The following CNOT10 variants were observed in gnomAD, a reference collection of about 807,000 sequenced individuals.
CNOT10 encodes the protein CCR4-NOT transcription complex, subunit 10.
CNOT10 carries 30 observed loss-of-function variants against 94.6 expected under a neutral mutation model. The ratio of observed to expected loss-of-function variants is 0.32; its 90% CI spans 0.24 to 0.43. The LOEUF (loss-of-function observed/expected upper bound fraction) is 0.43. Among genes scored for constraint, CNOT10 ranks in the 20% least tolerant of loss-of-function variants. The pLI is 1.00. For missense variants in CNOT10, 759 were observed against 877.2 expected, an observed-to-expected ratio of 0.87 and a Z score of 1.70; for synonymous variants, 289 against 301.6, an observed-to-expected ratio of 0.96 and a Z score of 0.43.
chr3:32,764,958 T>C (rs1466667519), intron 17 of CNOT10, 149 bp downstream of exon 17: 1 of 1,509,256 alleles, frequency 6.6e-7, no homozygotes, highest in East Asian at 2.5e-5. Flanking sequence ...TCTTGCAAGG[T>C]AAACAACTAA....
intron 5 of CNOT10, among the ~76,000 whole-genome samples, chr3:32,713,933 CT>C (rs1399707199): frequency 6.6e-6 from 1 of 152,018 alleles, no homozygotes; most frequent in Non-Finnish European, 1.5e-5. Flanking sequence ...CATTTGGGTT[CT>C]TTTCTACTTT....
chr3:32,700,561 A>G (rs1037767578), intron 1 of CNOT10, among the ~76,000 whole-genome samples: 4 of 152,252 alleles, frequency 2.6e-5, no homozygotes, highest in African/African-American at 4.8e-5. Flanking sequence ...TCTGCCAGGT[A>G]CATGCCAATT....
chr3:32,730,275 G>T (rs1698883061), intron 10 of CNOT10, among the ~76,000 whole-genome samples: 1 of 152,048 alleles, frequency 6.6e-6, no homozygotes, highest in Non-Finnish European at 1.5e-5. Context: ...TTAGGATTGT[G>T]TTCTACAGAA....
At chr3:32,724,403 G>A (rs1227734383) in intron 8 of CNOT10, among the ~76,000 whole-genome samples, 2 of 146,578 alleles carry the variant, frequency 1.4e-5, no homozygotes, top group African/African-American at 2.5e-5. Context: ...CCTCCACTAC[G>A]CCCGGCTAAT....
At chr3:32,743,438 T>C (rs1699560630) in intron 13 of CNOT10, among the ~76,000 whole-genome samples, 1 of 152,048 alleles carries the variant, frequency 6.6e-6, no homozygotes, top group South Asian at 2.1e-4. Context: ...GAGATCAGCC[T>C]GGCCACCATG....
chr3:32,725,686 A>G (rs1384370620), intron 9 of CNOT10, 87 bp downstream of exon 9: 16 of 1,229,844 alleles, frequency 1.3e-5, no homozygotes, highest in Non-Finnish European at 1.8e-5. Context: ...AATACCCACC[A>G]TGTAGACTTA....
At chr3:32,696,560 G>T (rs1404753465) in intron 1 of CNOT10, among the ~76,000 whole-genome samples, 2 of 152,014 alleles carry the variant, frequency 1.3e-5, no homozygotes, top group African/African-American at 4.8e-5. Context: ...AATTTCAGAG[G>T]CTCTTGTCAG....
In CNOT10 at chr3:32,727,812, A is replaced by G; in HGVS notation, c.1157A>G (p.His386Arg). Reference protein sequence around the residue: ...ECLIEAVQVYHANPRLWLRLA... With the variant: ...ECLIEAVQVYRANPRLWLRLA... ...CTGATTGAAGCTGTTCAGGTTTATC[A>G]TGCAAATCCTCGCCTCTGGCTACGG... Residue 386 changes from histidine to arginine, a missense_variant, in exon 10 of 19, where the codon CAT becomes CGT. Around this residue, in one of 3 missense-constraint regions of CNOT10, gnomAD observed 682 missense variants for 799.4 expected, o/e 0.85. Transcript: ENST00000328834. 3 of 1,613,842 alleles carry G rather than the reference A, an allele frequency of 1.9e-6. No homozygotes were observed. Among genetic ancestry groups the G allele is most frequent in the Non-Finnish European group, 2.5e-6 (3 of 1,179,976 alleles).
chr3:32,724,171 A>G (rs6793550), intron 8 of CNOT10, among the ~76,000 whole-genome samples: 13,072 of 152,058 alleles, frequency 0.086, 679 homozygotes, highest in Middle Eastern at 0.19. Flanking sequence ...GCTTAGCTGC[A>G]GTGGTATTTA....
intron 4 of CNOT10, among the ~76,000 whole-genome samples, chr3:32,710,178 C>A (rs1306654851): frequency 2.7e-5 from 4 of 149,416 alleles, no homozygotes; most frequent in African/African-American, 9.8e-5. Flanking sequence ...AAGAGAATTT[C>A]CTGAATTCAT....
intron 1 of CNOT10, among the ~76,000 whole-genome samples, chr3:32,696,114 A>G (rs1188507611): frequency 6.6e-6 from 1 of 151,722 alleles, no homozygotes; most frequent in African/African-American, 2.4e-5. Flanking sequence ...TCAGGAGTTC[A>G]AGACCAACCT....
chr3:32,720,153 T>C lies in CNOT10; in HGVS notation c.784T>C (p.Leu262=). 6.4e-7 allele frequency: 1 copy of C among 1,552,320 alleles called. No individual in the cohort carries two copies. Among genetic ancestry groups the C allele is most frequent in the Non-Finnish European group, 8.8e-7 (1 of 1,135,894 alleles). The stretch of plus-strand genomic sequence containing the variant: ...CTTTCTTAAAAGCAATTTTGAGTAC[T>C]TAAGAGGTAATTATCGAAAAGCCGT... ...SLFLKSNFEY[L]RGNYRKAVKL... is the part of the protein sequence containing the mutation. Residue 262 remains leucine, a synonymous_variant, in exon 8 of 19, where the codon TTA becomes CTA. Coordinates refer to ENST00000328834, the MANE Select transcript of CNOT10 (RefSeq NM_015442.3).
intron 5 of CNOT10, 63 bp from the exon 6 acceptor site, chr3:32,716,162 C>T: frequency 1.2e-6 from 1 of 868,282 alleles, no homozygotes. Context: ...ACTTGGAAAT[C>T]ACTGATTTAA....
chr3:32,685,601 C>T, intron 1 of CNOT10, 119 bp downstream of exon 1: 3 of 1,096,554 alleles, frequency 2.7e-6, no homozygotes, highest in Non-Finnish European at 2.7e-6. Flanking sequence ...TTTGGGCGTG[C>T]ATTTCTTTAC....
rs370030888 is a variant in CNOT10, at chr3:32,708,678, A to T, written c.288A>T (p.Ser96=). ...TLNQLKNQVH[S]AVEEMDGLDD... The stretch of plus-strand genomic sequence containing the variant: ...TGTTGATTGCTTTATAGGTCCACTC[A>T]GCTGTTGAAGAAATGGATGGATTAG... The change falls in exon 4 of 19, where the codon TCA becomes TCT. Residue 96 remains serine (S), a synonymous_variant. Transcript: ENST00000328834. 2 of 1,610,960 alleles carry T rather than the reference A, an allele frequency of 1.2e-6. No individual in the cohort carries two copies. The highest frequency in any genetic ancestry group is 1.7e-6 in the Non-Finnish European group (2 of 1,179,214).
intron 4 of CNOT10, among the ~76,000 whole-genome samples, chr3:32,712,622 G>A (rs1374954889): frequency 1.3e-5 from 2 of 152,094 alleles, no homozygotes; most frequent in Non-Finnish European, 2.9e-5. Flanking sequence ...AAAGTGGGTG[G>A]ATCACTTGAG....
At chr3:32,690,551 A>ATT (rs35405028) in intron 1 of CNOT10, among the ~76,000 whole-genome samples, 122 of 146,482 alleles carry the variant, frequency 8.3e-4, no homozygotes, top group African/African-American at 2.2e-3. Flanking sequence ...TATCCAGATA[A>ATT]TTTTTTTTTT....
At chr3:32,686,840 C>T (rs538598720) in intron 1 of CNOT10, among the ~76,000 whole-genome samples, 1 of 152,316 alleles carries the variant, frequency 6.6e-6, no homozygotes, top group African/African-American at 2.4e-5. Flanking sequence ...GTTTTCAAAT[C>T]CTCAGTCATA....
At chr3:32,754,168 AT>A (rs1700092837) in intron 13 of CNOT10, among the ~76,000 whole-genome samples, 1 of 151,778 alleles carries the variant, frequency 6.6e-6, no homozygotes, top group Non-Finnish European at 1.5e-5. Context: ...TGGCATTAAT[AT>A]TTTTTTCTTT....
Sources: gnomAD v4.1 joint callset for allele counts (sites outside exome capture counted in the v4.1 genomes callset) on GRCh38, gnomAD v4.1.1 for gene constraint, gnomAD v4.1.1 regional missense constraint, MANE v1.5 for transcripts, NCBI Gene and HGNC (gene_info 2026-07-23, HGNC 2026-07-21) for gene names.